DTNB: variants seen among roughly 807,000 people sequenced by gnomAD.
DTNB encodes the protein DTN-B.
Under a neutral mutation model 90.7 loss-of-function variants are expected in DTNB, and 63 were observed. The observed-to-expected ratio is 0.69, with a 90% CI of 0.57 to 0.86. DTNB has a LOEUF of 0.86. Ranked by LOEUF, DTNB falls within the 40% of genes least tolerant of loss-of-function variation. DTNB has a pLI of 0.00. For missense variants in DTNB, 744 were observed against 807.1 expected (o/e 0.92, Z 0.95); for synonymous variants, 277 against 286.7 (o/e 0.97, Z 0.34).
At chr2:25,556,466 A>G (rs1310128950) in intron 8 of DTNB, among the ~76,000 whole-genome samples, 2 of 152,198 alleles carry the variant, frequency 1.3e-5, no homozygotes, top group Non-Finnish European at 2.9e-5. Context: ...ACATTTCCAA[A>G]ATCGAAAGTA....
intron 12 of DTNB, among the ~76,000 whole-genome samples, chr2:25,442,546 T>G (rs1448255138): frequency 6.6e-6 from 1 of 152,218 alleles, no homozygotes; most frequent in African/African-American, 2.4e-5. Context: ...TCAGAGTTCT[T>G]GTCAAAACAG....
intron 8 of DTNB, among the ~76,000 whole-genome samples, chr2:25,533,330 G>C (rs577084697): frequency 1.3e-5 from 2 of 151,146 alleles, no homozygotes; most frequent in East Asian, 3.9e-4. Context: ...CCATCTCAAA[G>C]AAAAGAAAAG....
intron 8 of DTNB, among the ~76,000 whole-genome samples, chr2:25,549,929 G>A (rs571610017): frequency 1.3e-5 from 2 of 152,184 alleles, no homozygotes; most frequent in African/African-American, 4.8e-5. Context: ...CCAAAGTGCT[G>A]GGATTACAGG....
At position 25,628,093 on chromosome 2, in the gene DTNB, CG is replaced by C. The variant is rs535382792; in HGVS notation, c.362+77del. 1.4e-3 allele frequency: 2,060 copies of C among 1,482,404 alleles called. 11 individuals carry two copies. The highest frequency in any genetic ancestry group is 2.4e-3 in the Middle Eastern group (12 of 5,014). The allele number at this position is 1,482,404 out of a possible 1,614,324, so 91.8% of individuals were successfully genotyped here. A position where few individuals can be genotyped will look rare whatever the true frequency, so the allele number is the denominator to read the frequency against. ...GCCAGCTTAGCAAGGCAACTTAGCA[CG>C]GCAGTATGGAAGAAGAATGATTCAG... On this transcript the variant is annotated intron_variant, in intron 4 of 20. Coordinates refer to ENST00000406818, the MANE Select transcript of DTNB (RefSeq NM_021907.5).
At chr2:25,399,896 A>G (rs1334800150) in intron 16 of DTNB, among the ~76,000 whole-genome samples, 1 of 98,490 alleles carries the variant, frequency 1.0e-5, no homozygotes, top group Non-Finnish European at 1.9e-5. Context: ...CGTCTCAGAC[A>G]TGGCAAGAAC....
chr2:25,657,594 C>G (rs530388757), intron 1 of DTNB, among the ~76,000 whole-genome samples: 5 of 152,064 alleles, frequency 3.3e-5, no homozygotes, highest in Non-Finnish European at 5.9e-5. Flanking sequence ...CTGGTGCACA[C>G]CTGTATTCCT....
rs1340122260 is a variant in DTNB, at chr2:25,634,570, T to C, written c.148+4444A>G. On this transcript the variant is annotated intron_variant, in intron 3 of 20. Coordinates refer to ENST00000406818, the MANE Select transcript of DTNB (RefSeq NM_021907.5). ...TCTGGGAGGTGTGCCCAGCAGCTCATTGAGAACGGGCCAGGATGACAATGG... is the reference window on the plus strand; with the variant it reads ...TCTGGGAGGTGTGCCCAGCAGCTCACTGAGAACGGGCCAGGATGACAATGG... Among the ~76,000 whole-genome samples the C allele has an allele frequency of 4.3e-5, 6 of 140,096 alleles. 1 individual carries two copies. Among genetic ancestry groups the C allele is most frequent in the East Asian group, 2.5e-4 (1 of 4,080 alleles). The allele number at this position is 140,096 out of a possible 152,430, so 91.9% of individuals were successfully genotyped here.
At position 25,646,349 on chromosome 2, in the gene DTNB, G is replaced by A. The variant is rs901420220; in HGVS notation, c.67+6245C>T. 2.6e-5 allele frequency among the ~76,000 whole-genome samples: 4 copies of A among 152,006 alleles called. No homozygotes were observed. The East Asian group carries it at 7.7e-4, about 29-fold the overall frequency. The stretch of plus-strand genomic sequence containing the variant: ...TAGCCAGGCGTAGTGGCAGGCGCCT[G>A]TAATCCCAGCTACTTGGGAGGCTGA... On this transcript the variant is annotated intron_variant, in intron 2 of 20. Transcript: ENST00000406818.
intron 4 of DTNB, among the ~76,000 whole-genome samples, chr2:25,616,822 C>T (rs1432141780): frequency 6.7e-6 from 1 of 149,444 alleles, no homozygotes; most frequent in Non-Finnish European, 1.5e-5. Flanking sequence ...GTCCCAGCTA[C>T]TCAGGAGGCT....
intron 12 of DTNB, among the ~76,000 whole-genome samples, chr2:25,437,452 G>C (rs2056178081): frequency 6.6e-6 from 1 of 152,044 alleles, no homozygotes; most frequent in Admixed American, 6.5e-5. Context: ...AGTAGGGACA[G>C]GGTTTCACCA....
intron 16 of DTNB, among the ~76,000 whole-genome samples, chr2:25,414,024 T>C (rs2047259685): frequency 6.6e-6 from 1 of 152,252 alleles, no homozygotes; most frequent in South Asian, 2.1e-4. Flanking sequence ...ATTTCTCTGA[T>C]GGCCAGTGAT....
chr2:25,499,970 A>G (rs1394485839), intron 9 of DTNB, among the ~76,000 whole-genome samples: 1 of 152,162 alleles, frequency 6.6e-6, no homozygotes, highest in Non-Finnish European at 1.5e-5. Context: ...ATTATAGCTC[A>G]CTACAACCTC....
At chr2:25,549,990 A>AGTC (rs2083264165) in intron 8 of DTNB, among the ~76,000 whole-genome samples, 1 of 152,120 alleles carries the variant, frequency 6.6e-6, no homozygotes, top group African/African-American at 2.4e-5. Context: ...TTTCCAGCAA[A>AGTC]GTCCTTAAAG....
At chr2:25,525,255 A>T (rs1308904212) in intron 9 of DTNB, among the ~76,000 whole-genome samples, 1 of 152,204 alleles carries the variant, frequency 6.6e-6, no homozygotes, top group Non-Finnish European at 1.5e-5. Flanking sequence ...CAAACAAATG[A>T]TAGTGGCTAC....
chr2:25,550,208 G>A (rs549373731), intron 8 of DTNB, among the ~76,000 whole-genome samples: 218 of 152,134 alleles, frequency 1.4e-3, no homozygotes, highest in South Asian at 2.7e-3. Flanking sequence ...TGGCTAACAC[G>A]GTGAAACCCC....
chr2:25,501,710 C>T (rs547116049), intron 9 of DTNB, among the ~76,000 whole-genome samples: 16 of 152,118 alleles, frequency 1.1e-4, no homozygotes, highest in African/African-American at 3.6e-4. Context: ...AGGGTTCAGA[C>T]AAACTAAAGA....
intron 9 of DTNB, among the ~76,000 whole-genome samples, chr2:25,511,927 A>T (rs1265743223): frequency 6.6e-6 from 1 of 152,252 alleles, no homozygotes; most frequent in East Asian, 1.9e-4. Flanking sequence ...AAGGGAAAAA[A>T]GAAGTCCCTT....
intron 10 of DTNB, among the ~76,000 whole-genome samples, chr2:25,469,148 G>A (rs772894486): frequency 2.2e-4 from 34 of 152,082 alleles, no homozygotes; most frequent in Non-Finnish European, 3.5e-4. Context: ...GGATGTTTGC[G>A]GAGATCATAT....
chr2:25,562,949 G>T (rs896065356), intron 8 of DTNB, among the ~76,000 whole-genome samples: 2 of 151,838 alleles, frequency 1.3e-5, no homozygotes, highest in African/African-American at 4.8e-5. Flanking sequence ...TTTGTATTTT[G>T]TGTAGAGATG....
Sources: gnomAD v4.1 joint callset for allele counts (sites outside exome capture counted in the v4.1 genomes callset) on GRCh38, gnomAD v4.1.1 for gene constraint, MANE v1.5 for transcripts, NCBI Gene and HGNC (gene_info 2026-07-23, HGNC 2026-07-21) for gene names.